The following NCOR1 variants were observed in gnomAD, a reference collection of about 807,000 sequenced individuals.
NCOR1 encodes the protein protein phosphatase 1, regulatory subunit 109.
NCOR1 carries 63 observed loss-of-function variants against 288.1 expected under a neutral mutation model. That is an observed-to-expected ratio of 0.22 (90% CI 0.18 to 0.27). The LOEUF (loss-of-function observed/expected upper bound fraction) is 0.27, where lower values mean the gene tolerates loss of function less well. Among genes scored for constraint, NCOR1 ranks in the 10% least tolerant of loss-of-function variants. NCOR1 has a pLI of 1.00. For synonymous variants in NCOR1, 1,007 were observed against 1,065.9 expected (o/e 0.94, Z 1.08); for missense variants, 2,397 against 3,019.2 (o/e 0.79, Z 4.83).
intron 7 of NCOR1, among the ~76,000 whole-genome samples, chr17:16,152,999 A>C (rs1202130583): frequency 6.6e-6 from 1 of 152,132 alleles, no homozygotes; most frequent in Non-Finnish European, 1.5e-5. Context: ...TTTTAATTTC[A>C]AAGTATTAAT....
At position 16,030,434 on chromosome 17, in the gene NCOR1, CTT is replaced by C. The variant is rs958835328; in HGVS notation, c.*1860_*1861del. 3 of 209,786 alleles carry C rather than the reference CTT, an allele frequency of 1.4e-5. No homozygotes were observed. Among genetic ancestry groups the C allele is most frequent in the Non-Finnish European group, 2.9e-5 (3 of 103,462 alleles). The allele number at this position is 209,786 out of a possible 1,614,324, so 13.0% of individuals were successfully genotyped here. Reference sequence around the variant, plus strand: ...TCATAGAAAAATACCATCATAATCTCTTTTATGGTAGGTTGGCAATATAAATT... The same window carrying C: ...TCATAGAAAAATACCATCATAATCTCTTATGGTAGGTTGGCAATATAAATT... On this transcript the variant is annotated 3_prime_UTR_variant, in exon 46 of 46. Coordinates refer to ENST00000268712, the MANE Select transcript of NCOR1 (RefSeq NM_006311.4).
chr17:16,127,265 A>ATATGTATATATACGTGTATATATG (rs2074345948), intron 14 of NCOR1, among the ~76,000 whole-genome samples: 1 of 103,944 alleles, frequency 9.6e-6, no homozygotes, highest in Admixed American at 9.6e-5. Context: ...GTGTGTGTAT[A>ATATGTATATATACGTGTATATATG]TATGTATGTA....
At chr17:16,119,522 A>G in intron 16 of NCOR1, 37 bp from the exon 17 acceptor site, 1 of 1,392,808 alleles carries the variant, frequency 7.2e-7, no homozygotes. Flanking sequence ...GCAGAGAAAA[A>G]CAAAGTTAAA....
intron 18 of NCOR1, among the ~76,000 whole-genome samples, chr17:16,112,770 T>A (rs1440461682): frequency 6.6e-6 from 1 of 152,096 alleles, no homozygotes; most frequent in Non-Finnish European, 1.5e-5. Flanking sequence ...ATTAAAGGCG[T>A]GAGCCACTGC....
chr17:16,200,189 G>GA (rs1451201129), intron 1 of NCOR1, among the ~76,000 whole-genome samples: 2 of 152,050 alleles, frequency 1.3e-5, no homozygotes, highest in Non-Finnish European at 2.9e-5. Flanking sequence ...AGCTATCTTG[G>GA]AAAAAAAGCT....
intron 19 of NCOR1, among the ~76,000 whole-genome samples, chr17:16,105,534 G>A (rs1157151342): frequency 6.6e-6 from 1 of 152,160 alleles, no homozygotes; most frequent in Non-Finnish European, 1.5e-5. Flanking sequence ...CAATTCTAAA[G>A]AGACTAAAGA....
chr17:16,167,554 T>C (rs1357785333), intron 4 of NCOR1, among the ~76,000 whole-genome samples: 1 of 151,948 alleles, frequency 6.6e-6, no homozygotes, highest in Non-Finnish European at 1.5e-5. Context: ...GAAAGATTGA[T>C]GGATAAAATA....
Position 16,145,854 on chromosome 17 carries a change from A to AG in NCOR1, c.1082+521dup, listed in dbSNP as rs968295872. ...ACGATGGCGGTTTTGTCGACTAGAG[A>AG]GGGGGGGAAATGTGGCGAGAGTAGA... On this transcript the variant is annotated intron_variant, in intron 10 of 45. Transcript: ENST00000268712. Among the ~76,000 whole-genome samples the AG allele has an allele frequency of 4.7e-5, 7 of 149,816 alleles. No individual in the cohort carries two copies. The East Asian group carries it at 7.7e-4, about 17-fold the overall frequency.
intron 8 of NCOR1, among the ~76,000 whole-genome samples, chr17:16,151,387 C>A (rs567321656): frequency 4.7e-4 from 71 of 152,162 alleles, no homozygotes; most frequent in Non-Finnish European, 8.5e-4. Context: ...GGTGACTGAG[C>A]GCTTCCAAGG....
At chr17:16,043,106 A>G (rs1046066795) in intron 42 of NCOR1, among the ~76,000 whole-genome samples, 1 of 152,234 alleles carries the variant, frequency 6.6e-6, no homozygotes, top group Non-Finnish European at 1.5e-5. Context: ...ACATGGCATC[A>G]GAAAGCCAAG....
chr17:16,061,363 C>CA, intron 37 of NCOR1, 38 bp downstream of exon 37: 1 of 1,589,662 alleles, frequency 6.3e-7, no homozygotes, highest in Non-Finnish European at 8.6e-7. Context: ...ATTCTTTACT[C>CA]AGACATCACA....
chr17:16,073,737 A>G (rs1355506728), intron 27 of NCOR1, among the ~76,000 whole-genome samples, 168 bp from the exon 28 acceptor site: 1 of 152,232 alleles, frequency 6.6e-6, no homozygotes, highest in South Asian at 2.1e-4. Flanking sequence ...CACTCATTCA[A>G]ATGTGTTTAT....
rs2153120633 is a variant in NCOR1 at position 16,117,929 on chromosome 17, G to A, written c.2014C>T (p.Arg672Ter). The A allele has an allele frequency of 6.2e-7, 1 of 1,613,922 alleles. No homozygotes were observed. The highest frequency in any genetic ancestry group is 8.5e-7 in the Non-Finnish European group (1 of 1,179,930). ...TGTAAGAGGTTGTCAAGATTGTGTC[G>A]CCTTTTATAGTTAAAATAGAAGTTT... ...CKNFYFNYKR[R>*]HNLDNLLQQH... Residue 672 changes from arginine to a stop codon, truncating the protein, a stop_gained, in exon 18 of 46, where the codon CGA becomes TGA. Transcript: ENST00000268712. LOFTEE classifies it high-confidence loss of function.
chr17:16,067,761 G>T, intron 32 of NCOR1, 133 bp downstream of exon 32: 1 of 874,284 alleles, frequency 1.1e-6, no homozygotes, highest in Non-Finnish European at 1.6e-6. Flanking sequence ...GGAGAATTTA[G>T]TTTGTGAAAA....
intron 18 of NCOR1, among the ~76,000 whole-genome samples, chr17:16,110,112 T>G (rs959297947): frequency 2.6e-5 from 4 of 152,198 alleles, no homozygotes; most frequent in Non-Finnish European, 5.9e-5. Flanking sequence ...CCCAGCACTT[T>G]GGGAGACTGA....
Position 16,064,850 on chromosome 17 carries a change from G to A in NCOR1, c.5101+20C>T. 2 of 1,581,010 alleles carry A rather than the reference G, an allele frequency of 1.3e-6. No individual in the cohort carries two copies. The highest frequency in any genetic ancestry group is 1.7e-6 in the Non-Finnish European group (2 of 1,159,864). ...AACATGATGGTTCTATTAGAGAGGT[G>A]TGTAACTGTACAATCTCACCTGGAG... is the stretch of plus-strand genomic sequence containing the variant. On this transcript the variant is annotated intron_variant, in intron 34 of 45. Coordinates refer to ENST00000268712, the MANE Select transcript of NCOR1 (RefSeq NM_006311.4).
intron 14 of NCOR1, among the ~76,000 whole-genome samples, chr17:16,129,061 A>G (rs1298997423): frequency 6.6e-6 from 1 of 152,196 alleles, no homozygotes; most frequent in Non-Finnish European, 1.5e-5. Flanking sequence ...ATGGCTCATT[A>G]TGCCTTGACA....
intron 6 of NCOR1, among the ~76,000 whole-genome samples, 188 bp downstream of exon 6, chr17:16,158,572 A>T (rs925534601): frequency 6.6e-6 from 1 of 152,370 alleles, no homozygotes; most frequent in South Asian, 2.1e-4. Flanking sequence ...GCACAACTGT[A>T]AACTTTCTTT....
intron 19 of NCOR1, among the ~76,000 whole-genome samples, chr17:16,102,511 T>C (rs866678868): frequency 2.0e-4 from 30 of 152,258 alleles, no homozygotes; most frequent in Middle Eastern, 6.8e-3. Context: ...ATGTGATCAA[T>C]AGCAAAAAAT....
Sources: gnomAD v4.1 joint callset for allele counts (sites outside exome capture counted in the v4.1 genomes callset) on GRCh38, gnomAD v4.1.1 for gene constraint, MANE v1.5 for transcripts, NCBI Gene and HGNC (gene_info 2026-07-23, HGNC 2026-07-21) for gene names.